Variants in GABRB1 observed in about 807,000 individuals in gnomAD.
The protein encoded by GABRB1 is gamma-aminobutyric acid receptor subunit beta-1.
Under a neutral mutation model 51.6 loss-of-function variants are expected in GABRB1, and 17 were observed. That is an observed-to-expected ratio of 0.33 (90% CI 0.23 to 0.49). The LOEUF is 0.49. GABRB1 is among the 20% of genes least tolerant of loss of function. The pLI, the probability that GABRB1 is intolerant of heterozygous loss-of-function variation, is 0.99. For synonymous variants in GABRB1, 247 were observed against 218.9 expected (o/e 1.13, Z -1.14); for missense variants, 410 against 600.6 (o/e 0.68, Z 3.32).
chr4:47,174,234 C>T (rs1718566706), intron 4 of GABRB1, among the ~76,000 whole-genome samples: 1 of 151,846 alleles, frequency 6.6e-6, no homozygotes, highest in Non-Finnish European at 1.5e-5. Context: ...TTTTTTGTGT[C>T]ATCATTTATT....
At chr4:47,318,499 C>T (rs1469047704) in intron 4 of GABRB1, among the ~76,000 whole-genome samples, 6 of 151,970 alleles carry the variant, frequency 3.9e-5, no homozygotes, top group African/African-American at 1.4e-4. Context: ...TCACACTTCC[C>T]ACTATTAGAG....
intron 5 of GABRB1, among the ~76,000 whole-genome samples, chr4:47,350,280 TATATATAGAG>T (rs1335513055): frequency 1.4e-5 from 2 of 143,624 alleles, no homozygotes; most frequent in Non-Finnish European, 3.0e-5. Context: ...TATATATATA[TATATATAGAG>T]AGAGAGAGAG....
intron 5 of GABRB1, among the ~76,000 whole-genome samples, chr4:47,346,484 T>C (rs1411396643): frequency 6.6e-6 from 1 of 152,218 alleles, no homozygotes; most frequent in Non-Finnish European, 1.5e-5. Context: ...AGACATGGCA[T>C]TAATTTTCAA....
At chr4:47,076,461 C>T (rs1727552078) in intron 3 of GABRB1, among the ~76,000 whole-genome samples, 1 of 152,112 alleles carries the variant, frequency 6.6e-6, no homozygotes, top group African/African-American at 2.4e-5. Flanking sequence ...TAACCAGCCC[C>T]AGTCCAGGCT....
chr4:47,115,480 C>T (rs1048446090), intron 3 of GABRB1, among the ~76,000 whole-genome samples: 2 of 151,090 alleles, frequency 1.3e-5, no homozygotes, highest in African/African-American at 2.4e-5. Context: ...TGAATTGGAA[C>T]AATTGACTTT....
intron 8 of GABRB1, among the ~76,000 whole-genome samples, chr4:47,410,561 C>G (rs1232500342): frequency 6.6e-6 from 1 of 152,084 alleles, no homozygotes; most frequent in African/African-American, 2.4e-5. Context: ...TTTGATTGTT[C>G]CAGAGTTCCT....
chr4:47,001,120 T>A (rs1724164473), intron 1 of GABRB1, among the ~76,000 whole-genome samples: 1 of 152,032 alleles, frequency 6.6e-6, no homozygotes, highest in African/African-American at 2.4e-5. Context: ...AGATATTATT[T>A]TAATTTAATT....
rs1175177605 is a variant in GABRB1 at position 47,040,182 on chromosome 4, T to A, written c.240+7698T>A. ...CAGATAAAGAAGTGATGCTGGAATA[T>A]CTATGCTGAGGAAATGGACCCTAAT... On this transcript the variant is annotated intron_variant, in intron 3 of 8. Coordinates refer to ENST00000295454, the MANE Select transcript of GABRB1 (RefSeq NM_000812.4). 2.0e-5 allele frequency among the ~76,000 whole-genome samples: 3 copies of A among 152,190 alleles called. No homozygotes were observed. The East Asian group carries it at 5.8e-4, about 29-fold the overall frequency.
chr4:47,123,370 T>C (rs1221092748), intron 3 of GABRB1, among the ~76,000 whole-genome samples: 1 of 128,726 alleles, frequency 7.8e-6, no homozygotes, highest in African/African-American at 2.9e-5. Context: ...TATTATACTT[T>C]AGATATTATA....
At chr4:47,249,661 A>G (rs1389484151) in intron 4 of GABRB1, among the ~76,000 whole-genome samples, 2 of 152,238 alleles carry the variant, frequency 1.3e-5, no homozygotes, top group African/African-American at 4.8e-5. Flanking sequence ...TTGGACAAGG[A>G]ATTTTACCAT....
At chr4:47,319,430 T>G (rs1355584834) in intron 4 of GABRB1, among the ~76,000 whole-genome samples, 1 of 152,150 alleles carries the variant, frequency 6.6e-6, no homozygotes. Context: ...TCTGTATTTA[T>G]TGAGATGATA....
intron 5 of GABRB1, among the ~76,000 whole-genome samples, chr4:47,323,011 A>T (rs1725140333): frequency 6.6e-6 from 1 of 152,136 alleles, no homozygotes; most frequent in Non-Finnish European, 1.5e-5. Flanking sequence ...AATAATAATA[A>T]TTAGAAGTAT....
intron 4 of GABRB1, among the ~76,000 whole-genome samples, chr4:47,217,898 C>A (rs73144192): frequency 1.3e-5 from 2 of 151,800 alleles, no homozygotes; most frequent in South Asian, 4.2e-4. Flanking sequence ...TAACTGTAGT[C>A]ACTCCACTGT....
At chr4:47,090,248 A>C (rs2109584261) in intron 3 of GABRB1, among the ~76,000 whole-genome samples, 1 of 152,358 alleles carries the variant, frequency 6.6e-6, no homozygotes, top group South Asian at 2.1e-4. Flanking sequence ...TGAAATAGAA[A>C]ATGTCTAATG....
chr4:47,140,429 C>T (rs571550003), intron 3 of GABRB1, among the ~76,000 whole-genome samples: 1 of 151,882 alleles, frequency 6.6e-6, no homozygotes, highest in East Asian at 1.9e-4. Context: ...GAATGGCATC[C>T]AAGTAGGTTA....
At chr4:47,282,207 C>T (rs982079185) in intron 4 of GABRB1, among the ~76,000 whole-genome samples, 26 of 152,166 alleles carry the variant, frequency 1.7e-4, no homozygotes, top group African/African-American at 6.3e-4. Flanking sequence ...AATCATACTT[C>T]ACTATTCCAG....
chr4:47,266,373 T>C (rs193216510), intron 4 of GABRB1, among the ~76,000 whole-genome samples: 1 of 152,274 alleles, frequency 6.6e-6, no homozygotes, highest in East Asian at 1.9e-4. Flanking sequence ...TCCAGCTTTG[T>C]TCTTTTTGCT....
chr4:47,057,053 C>T lies in GABRB1; in HGVS notation c.240+24569C>T, dbSNP rs549379929. Among the ~76,000 whole-genome samples, 9 of 152,166 alleles carry T rather than the reference C, an allele frequency of 5.9e-5. No homozygotes were observed. The South Asian group carries it at 1.7e-3, about 28-fold the overall frequency. ...CCTGGGAGACGAGGTTGCAGTGAGC[C>T]GAGATCACGCCGCTGCACTCCAGCC... On this transcript the variant is annotated intron_variant, in intron 3 of 8. Transcript: ENST00000295454.
chr4:47,236,586 G>A (rs1006884318), intron 4 of GABRB1, among the ~76,000 whole-genome samples: 1 of 152,046 alleles, frequency 6.6e-6, no homozygotes, highest in African/African-American at 2.4e-5. Flanking sequence ...AATTTTTAGA[G>A]TACTAAGCCA....
Sources: gnomAD v4.1 joint callset for allele counts (sites outside exome capture counted in the v4.1 genomes callset) on GRCh38, gnomAD v4.1.1 for gene constraint, MANE v1.5 for transcripts, NCBI Gene and HGNC (gene_info 2026-07-23, HGNC 2026-07-21) for gene names.